Variants in RBFOX1 observed in about 807,000 individuals in gnomAD.
RBFOX1 encodes RNA binding protein fox-1 homolog 1.
A neutral mutation model predicts 57.7 loss-of-function variants in RBFOX1; 8 were observed. The ratio of observed to expected loss-of-function variants is 0.14; its 90% CI spans 0.08 to 0.25. The LOEUF (loss-of-function observed/expected upper bound fraction) is 0.25, where lower values mean the gene tolerates loss of function less well. Ranked by LOEUF, RBFOX1 falls within the 10% of genes least tolerant of loss-of-function variation. The pLI is 1.00. For synonymous variants in RBFOX1, 326 were observed against 222.4 expected, an observed-to-expected ratio of 1.47 and a Z score of -4.15; for missense variants, 611 against 548.5, an observed-to-expected ratio of 1.11 and a Z score of -1.14.
chr16:5,279,359 T>C (rs1319592215), intron 1 of RBFOX1, among the ~76,000 whole-genome samples: 1 of 152,146 alleles, frequency 6.6e-6, no homozygotes, highest in African/African-American at 2.4e-5. Context: ...TTTATTTTTG[T>C]AGCTATTGTA....
intron 3 of RBFOX1, among the ~76,000 whole-genome samples, chr16:5,668,624 T>C (rs2049922661): frequency 6.6e-6 from 1 of 152,218 alleles, no homozygotes; most frequent in African/African-American, 2.4e-5. Context: ...GTAGGTGTGT[T>C]ATGCATAACT....
At chr16:5,472,622 T>G (rs914510074) in intron 2 of RBFOX1, among the ~76,000 whole-genome samples, 6 of 152,196 alleles carry the variant, frequency 3.9e-5, no homozygotes, top group Admixed American at 6.5e-5. Flanking sequence ...GTGATTTCTG[T>G]GCTGCCCTCC....
At chr16:6,611,867 C>T (rs565061940) in intron 2 of RBFOX1, among the ~76,000 whole-genome samples, 11 of 152,184 alleles carry the variant, frequency 7.2e-5, no homozygotes, top group Admixed American at 4.6e-4. Flanking sequence ...CACCATGGCA[C>T]GTGACCCTGG....
At chr16:6,687,877 A>G (rs145666627) in intron 3 of RBFOX1, among the ~76,000 whole-genome samples, 2 of 152,344 alleles carry the variant, frequency 1.3e-5, no homozygotes, top group African/African-American at 2.4e-5. Flanking sequence ...CACAAAATGA[A>G]TGATGACACA....
intron 2 of RBFOX1, among the ~76,000 whole-genome samples, chr16:6,550,151 T>G (rs1056404504): frequency 6.6e-6 from 1 of 152,000 alleles, no homozygotes; most frequent in African/African-American, 2.4e-5. Context: ...TCTCTCTATC[T>G]CTCACTGTTC....
Position 5,909,730 on chromosome 16 carries a change from C to G in RBFOX1, c.351+42395C>G, listed in dbSNP as rs78207040. ...TCACCAAACTGGGGAACAAGCCCAG[C>G]CCTGGTAAGATGTCAGAGCACTGAA... On this transcript the variant is annotated intron_variant, in intron 4 of 19. Coordinates refer to the RBFOX1 transcript ENST00000641259. 2.6e-5 allele frequency among the ~76,000 whole-genome samples: 4 copies of G among 152,146 alleles called. No homozygotes were observed. The South Asian group carries it at 6.2e-4, about 24-fold the overall frequency.
At chr16:5,621,796 T>C (rs1405537769) in intron 3 of RBFOX1, among the ~76,000 whole-genome samples, 1 of 152,170 alleles carries the variant, frequency 6.6e-6, no homozygotes, top group African/African-American at 2.4e-5. Flanking sequence ...GTGGGTACTG[T>C]ATTTGGATTT....
At chr16:6,373,036 C>T (rs1404059429) in intron 2 of RBFOX1, among the ~76,000 whole-genome samples, 13 of 146,054 alleles carry the variant, frequency 8.9e-5, no homozygotes, top group African/African-American at 3.1e-4. Flanking sequence ...AATGGAGATT[C>T]AGTGGCAGAG....
At chr16:6,210,456 AC>A (rs538666309) in intron 1 of RBFOX1, among the ~76,000 whole-genome samples, 10 of 151,746 alleles carry the variant, frequency 6.6e-5, no homozygotes, top group African/African-American at 1.2e-4. Flanking sequence ...GGGATCAGAC[AC>A]AGTGGCTCAC....
intron 4 of RBFOX1, among the ~76,000 whole-genome samples, chr16:5,950,054 A>G (rs1024600037): frequency 6.6e-6 from 1 of 152,246 alleles, no homozygotes; most frequent in Non-Finnish European, 1.5e-5. Context: ...GCTCTAATCA[A>G]TCAGTGATAG....
chr16:6,747,447 T>TCTGTCTGA (rs1263316491), intron 3 of RBFOX1, among the ~76,000 whole-genome samples: 1 of 143,334 alleles, frequency 7.0e-6, no homozygotes, highest in Non-Finnish European at 1.5e-5. Context: ...AGTCAGTTAG[T>TCTGTCTGA]CTGTCTGTCT....
chr16:6,555,554 G>A (rs2097083560), intron 2 of RBFOX1, among the ~76,000 whole-genome samples: 1 of 152,002 alleles, frequency 6.6e-6, no homozygotes, highest in Non-Finnish European at 1.5e-5. Flanking sequence ...CAAAAAATTA[G>A]CCGGGCGTGG....
chr16:6,424,620 C>CGTGCGTGTGTGTGTGT (rs1555466660), intron 2 of RBFOX1, among the ~76,000 whole-genome samples: 2 of 150,592 alleles, frequency 1.3e-5, no homozygotes, highest in Non-Finnish European at 3.0e-5. Context: ...TGTGTGTGTG[C>CGTGCGTGTGTGTGTGT]GTGTGTGTGA....
chr16:7,502,481 A>G (rs2071277189), intron 4 of RBFOX1, among the ~76,000 whole-genome samples: 1 of 152,314 alleles, frequency 6.6e-6, no homozygotes, highest in African/African-American at 2.4e-5. Context: ...CCACAAAGCC[A>G]TTGGGTTGTT....
At position 6,729,660 on chromosome 16, in the gene RBFOX1, T is replaced by C. The variant is rs546627955; in HGVS notation, c.-16+75010T>C. ...ACCTCATTCTCTTCTAACTTTAGAC[T>C]TGCAACCCTTAATATATGACCTCAG... On this transcript the variant is annotated intron_variant, in intron 3 of 15. Transcript: ENST00000550418. Among the ~76,000 whole-genome samples, 5 of 152,312 alleles carry C rather than the reference T, an allele frequency of 3.3e-5. No individual in the cohort carries two copies. In the East Asian group the frequency reaches 9.7e-4, roughly 29 times the overall value.
chr16:6,890,147 A>G (rs953088236), intron 3 of RBFOX1, among the ~76,000 whole-genome samples: 3 of 152,212 alleles, frequency 2.0e-5, no homozygotes, highest in African/African-American at 7.2e-5. Flanking sequence ...AAAATGTGAA[A>G]GCCTAAAGGT....
intron 1 of RBFOX1, among the ~76,000 whole-genome samples, chr16:5,449,339 C>T (rs2068350908): frequency 6.6e-6 from 1 of 152,224 alleles, no homozygotes; most frequent in Non-Finnish European, 1.5e-5. Flanking sequence ...TGCCCCTCAT[C>T]TCTTCAGGTT....
At chr16:7,127,188 C>A in intron 4 of RBFOX1, among the ~76,000 whole-genome samples, 1 of 152,094 alleles carries the variant, frequency 6.6e-6, no homozygotes, top group East Asian at 1.9e-4. Flanking sequence ...TCTCTGTGAA[C>A]TAGCCACAAA....
chr16:5,551,158 T>C (rs2045448053), intron 2 of RBFOX1, among the ~76,000 whole-genome samples: 1 of 152,216 alleles, frequency 6.6e-6, no homozygotes, highest in South Asian at 2.1e-4. Flanking sequence ...GTGTTTTTCT[T>C]CTGGCTTGAG....
Sources: gnomAD v4.1 joint callset for allele counts (sites outside exome capture counted in the v4.1 genomes callset) on GRCh38, gnomAD v4.1.1 for gene constraint, MANE v1.5 for transcripts, NCBI Gene and HGNC (gene_info 2026-07-23, HGNC 2026-07-21) for gene names.